The following RAD51B variants were observed in gnomAD, a reference collection of about 807,000 sequenced individuals.
RAD51B encodes DNA repair protein RAD51 homolog 2.
Under a neutral mutation model 42.2 loss-of-function variants are expected in RAD51B, and 38 were observed. That is an observed-to-expected ratio of 0.90 (90% CI 0.70 to 1.18). RAD51B has a LOEUF of 1.18. RAD51B is among the 50% of genes most tolerant of loss of function. RAD51B has a pLI of 0.00. For synonymous variants in RAD51B, 154 were observed against 145.2 expected (o/e 1.06, Z -0.43); for missense variants, 373 against 400.7 (o/e 0.93, Z 0.59).
chr14:68,588,361 C>T (rs764253659), intron 10 of RAD51B, among the ~76,000 whole-genome samples: 17 of 152,164 alleles, frequency 1.1e-4, no homozygotes, highest in Non-Finnish European at 2.1e-4. Context: ...AAGGCAACTA[C>T]CTAGGAGATG....
At chr14:67,969,769 T>C (rs2074860293) in intron 7 of RAD51B, among the ~76,000 whole-genome samples, 1 of 152,198 alleles carries the variant, frequency 6.6e-6, no homozygotes. Context: ...AGCATATTTA[T>C]AATGATCATT....
At chr14:68,469,072 T>C (rs2525505) in intron 10 of RAD51B, 506,159 of 506,652 alleles carry the variant, frequency 1, 252,835 homozygotes, top group East Asian at 1. Context: ...GCTCAGGATA[T>C]ACATCTGTCC....
At chr14:68,355,970 TA>T (rs1364221449) in intron 8 of RAD51B, among the ~76,000 whole-genome samples, 1 of 152,222 alleles carries the variant, frequency 6.6e-6, no homozygotes, top group Non-Finnish European at 1.5e-5. Context: ...TACTATCATT[TA>T]AAAATTGCAG....
chr14:68,330,692 AAAATC>A (rs1566813201), intron 8 of RAD51B, among the ~76,000 whole-genome samples: 1 of 152,256 alleles, frequency 6.6e-6, no homozygotes, highest in African/African-American at 2.4e-5. Flanking sequence ...ATATCAGAAA[AAAATC>A]AAAACAAAAA....
At chr14:67,995,523 C>G (rs1421775055) in intron 7 of RAD51B, among the ~76,000 whole-genome samples, 3 of 152,166 alleles carry the variant, frequency 2.0e-5, no homozygotes, top group Admixed American at 6.5e-5. Flanking sequence ...CTCCTTCCAT[C>G]CCAAGTTAGA....
chr14:67,982,936 G>A (rs1367949433), intron 7 of RAD51B, among the ~76,000 whole-genome samples: 1 of 152,036 alleles, frequency 6.6e-6, no homozygotes, highest in Non-Finnish European at 1.5e-5. Flanking sequence ...ATGGTGGCAC[G>A]AGCCTGTAGT....
intron 10 of RAD51B, among the ~76,000 whole-genome samples, chr14:68,492,003 C>T (rs2064360771): frequency 6.6e-6 from 1 of 152,216 alleles, no homozygotes; most frequent in South Asian, 2.1e-4. Flanking sequence ...CTCGCTTGCT[C>T]ACCTGTTGCA....
chr14:68,668,319 G>T (rs553620641), intron 11 of RAD51B, among the ~76,000 whole-genome samples: 2 of 152,298 alleles, frequency 1.3e-5, no homozygotes, highest in East Asian at 3.9e-4. Context: ...TGAGAGTTTT[G>T]TCTGAGGACC....
At chr14:67,981,285 A>G (rs2075088062) in intron 7 of RAD51B, among the ~76,000 whole-genome samples, 2 of 152,230 alleles carry the variant, frequency 1.3e-5, no homozygotes, top group African/African-American at 4.8e-5. Flanking sequence ...ATAAAAGAAA[A>G]AAATAAAATT....
intron 8 of RAD51B, among the ~76,000 whole-genome samples, chr14:68,326,496 A>C (rs948631941): frequency 4.6e-5 from 7 of 152,212 alleles, no homozygotes; most frequent in African/African-American, 1.7e-4. Flanking sequence ...GGGTTTGAGG[A>C]AAGTTGGGCT....
intron 7 of RAD51B, among the ~76,000 whole-genome samples, chr14:68,226,852 T>C (rs552026605): frequency 4.6e-5 from 7 of 152,362 alleles, no homozygotes; most frequent in African/African-American, 1.7e-4. Context: ...TCATTTATTT[T>C]ACTGAGCTAG....
chr14:68,324,410 A>G (rs1000295510), intron 8 of RAD51B, among the ~76,000 whole-genome samples: 1 of 151,956 alleles, frequency 6.6e-6, no homozygotes, highest in Non-Finnish European at 1.5e-5. Context: ...TTCCCAATAA[A>G]CTGTATGCTT....
In RAD51B at chr14:68,154,776, A is replaced by G. The variant is rs142499559; in HGVS notation, c.757-137108A>G. The stretch of plus-strand genomic sequence containing the variant: ...GTTCTGTTTGTTTTGTTTCTTGAAA[A>G]GTATTGTTGGTTGTTTTAGGTGGTA... On this transcript the variant is annotated intron_variant, in intron 7 of 10. Coordinates refer to ENST00000471583, the MANE Select transcript of RAD51B (RefSeq NM_133510.4). Among the ~76,000 whole-genome samples the G allele has an allele frequency of 1.9e-4, 29 of 151,740 alleles. No individual in the cohort carries two copies. The East Asian group carries it at 5.2e-3, about 27-fold the overall frequency.
intron 8 of RAD51B, among the ~76,000 whole-genome samples, chr14:68,325,545 T>C (rs1278681747): frequency 6.6e-6 from 1 of 151,946 alleles, no homozygotes; most frequent in Non-Finnish European, 1.5e-5. Context: ...TCTTTTGGTG[T>C]GTAGGTATAT....
At chr14:68,293,788 A>G (rs1255622890) in intron 8 of RAD51B, among the ~76,000 whole-genome samples, 4 of 152,330 alleles carry the variant, frequency 2.6e-5, no homozygotes, top group African/African-American at 7.2e-5. Flanking sequence ...AAATTAATTT[A>G]ACTTTTCATG....
chr14:68,093,455 C>G (rs1042238214), intron 7 of RAD51B, among the ~76,000 whole-genome samples: 1 of 152,112 alleles, frequency 6.6e-6, no homozygotes, highest in Non-Finnish European at 1.5e-5. Flanking sequence ...AGGAATTTAT[C>G]CATTTCTTCT....
At chr14:68,548,367 C>T (rs940535849) in intron 10 of RAD51B, among the ~76,000 whole-genome samples, 2 of 152,200 alleles carry the variant, frequency 1.3e-5, no homozygotes, top group Non-Finnish European at 2.9e-5. Flanking sequence ...CACTCAGGCT[C>T]GTGCGTCACT....
exon 11 of RAD51B, chr14:68,595,828 A>G: frequency 3.3e-6 from 1 of 298,730 alleles, no homozygotes; most frequent in Non-Finnish European, 5.6e-6. Flanking sequence ...CATACAATGT[A>G]GTAGTTCTGT....
chr14:67,870,418 G>A (rs921878127), intron 5 of RAD51B, among the ~76,000 whole-genome samples: 3 of 148,928 alleles, frequency 2.0e-5, no homozygotes, highest in African/African-American at 7.4e-5. Context: ...CAATACAGGA[G>A]CACCCAGATT....
Sources: allele counts gnomAD v4.1 joint callset (sites outside exome capture counted in the v4.1 genomes callset), GRCh38; gene constraint gnomAD v4.1.1; transcripts MANE v1.5; gene names NCBI Gene and HGNC (gene_info 2026-07-23, HGNC 2026-07-21).